The following CTNNA3 variants were observed in gnomAD, a reference collection of about 807,000 sequenced individuals.
CTNNA3 encodes catenin alpha-3.
CTNNA3 carries 76 observed loss-of-function variants against 95.7 expected under a neutral mutation model. That is an observed-to-expected ratio of 0.79 (90% CI 0.66 to 0.96). CTNNA3 has a LOEUF of 0.96. CTNNA3 is among the 40% of genes least tolerant of loss of function. CTNNA3 has a pLI of 0.00. For synonymous variants in CTNNA3, 431 were observed against 374.4 expected, an observed-to-expected ratio of 1.15 and a Z score of -1.74; for missense variants, 1,191 against 1,089.8, an observed-to-expected ratio of 1.09 and a Z score of -1.31.
chr10:66,317,283 A>C (rs2092115230), intron 12 of CTNNA3, among the ~76,000 whole-genome samples: 1 of 152,078 alleles, frequency 6.6e-6, no homozygotes, highest in African/African-American at 2.4e-5. Context: ...TTTTTTCCAC[A>C]AACTAAATTT....
chr10:65,991,411 T>C (rs2078543216), intron 15 of CTNNA3, among the ~76,000 whole-genome samples: 2 of 152,028 alleles, frequency 1.3e-5, no homozygotes, highest in South Asian at 4.1e-4. Context: ...ATATATTTTT[T>C]ATTTTTTGTG....
At chr10:65,922,705 A>G (rs531203408) in intron 17 of CTNNA3, among the ~76,000 whole-genome samples, 1 of 152,318 alleles carries the variant, frequency 6.6e-6, no homozygotes, top group Non-Finnish European at 1.5e-5. Context: ...TTGCAAAAAT[A>G]ACAGGATTTG....
intron 1 of CTNNA3, among the ~76,000 whole-genome samples, chr10:67,665,840 A>G (rs1175151369): frequency 2.6e-5 from 4 of 152,222 alleles, no homozygotes; most frequent in African/African-American, 9.6e-5. Context: ...ATAATACATT[A>G]CCCACTATCA....
intron 7 of CTNNA3, among the ~76,000 whole-genome samples, chr10:66,848,610 A>C (rs1368939616): frequency 6.6e-6 from 1 of 152,156 alleles, no homozygotes; most frequent in African/African-American, 2.4e-5. Flanking sequence ...GATAAAATAT[A>C]TTTCACCTTA....
chr10:66,344,257 T>G (rs2092482111), intron 12 of CTNNA3, among the ~76,000 whole-genome samples: 1 of 150,798 alleles, frequency 6.6e-6, no homozygotes, highest in Non-Finnish European at 1.5e-5. Flanking sequence ...GCAATGTGTT[T>G]TTGTTGTTGT....
At chr10:67,524,322 C>T (rs1840073163) in intron 4 of CTNNA3, among the ~76,000 whole-genome samples, 1 of 148,348 alleles carries the variant, frequency 6.7e-6, no homozygotes, top group Non-Finnish European at 1.5e-5. Flanking sequence ...GGCGTGAACC[C>T]GGCAGGCGGA....
intron 12 of CTNNA3, among the ~76,000 whole-genome samples, chr10:66,316,335 T>C (rs2092099321): frequency 6.6e-6 from 1 of 152,120 alleles, no homozygotes; most frequent in Admixed American, 6.5e-5. Flanking sequence ...CTGAGCACTT[T>C]TGCACTGCAT....
intron 7 of CTNNA3, among the ~76,000 whole-genome samples, chr10:67,147,410 C>T (rs1170225465): frequency 1.3e-5 from 2 of 152,154 alleles, no homozygotes; most frequent in African/African-American, 4.8e-5. Flanking sequence ...AAAACAGTAA[C>T]TGGTACTGAG....
At position 67,720,869 on chromosome 10, in the gene CTNNA3, G is replaced by T. The variant is rs545023408; in HGVS notation, c.-2+42565C>A. Among the ~76,000 whole-genome samples the T allele has an allele frequency of 1.8e-4, 27 of 152,224 alleles. No homozygotes were observed. The South Asian group carries it at 5.6e-3, about 32-fold the overall frequency. ...CACGGGAGGCTGAGGCAGGAGAATTGCTTGAATCTGGGAGGCGGAGGTTGC... is the reference window on the plus strand; with the variant it reads ...CACGGGAGGCTGAGGCAGGAGAATTTCTTGAATCTGGGAGGCGGAGGTTGC... On this transcript the variant is annotated intron_variant, in intron 1 of 17. Transcript: ENST00000684154.
At chr10:67,540,390 ACTT>A (rs1470121179) in intron 3 of CTNNA3, among the ~76,000 whole-genome samples, 4 of 152,062 alleles carry the variant, frequency 2.6e-5, no homozygotes, top group Admixed American at 2.6e-4. Flanking sequence ...TTAAATCTAA[ACTT>A]CTTTTTATTA....
intron 13 of CTNNA3, 24 bp downstream of exon 13, chr10:66,280,441 TAATTC>T: frequency 6.3e-7 from 1 of 1,589,312 alleles, no homozygotes; most frequent in Non-Finnish European, 8.6e-7. Context: ...AACATTGCAA[TAATTC>T]AATGGAAGGA....
rs1389332763 is a variant in CTNNA3, at chr10:66,332,067, A to G, written c.1732+47085T>C. Reference sequence around the variant, plus strand: ...TGTTTGTCTGTTATTGGTGTATAAGAATGCTTGTGATTTTTGCGCATTGAT... The same window carrying G: ...TGTTTGTCTGTTATTGGTGTATAAGGATGCTTGTGATTTTTGCGCATTGAT... On this transcript the variant is annotated intron_variant, in intron 12 of 17. Transcript: ENST00000433211. 3.9e-5 allele frequency among the ~76,000 whole-genome samples: 6 copies of G among 151,996 alleles called. 1 individual carries two copies. The highest frequency in any genetic ancestry group is 1.4e-4 in the African/African-American group (6 of 41,426).
rs1213721525 is a variant in CTNNA3, at chr10:67,575,641, C to T, written c.292+31216G>A. On this transcript the variant is annotated intron_variant, in intron 3 of 17. Coordinates refer to ENST00000433211, the MANE Select transcript of CTNNA3 (RefSeq NM_013266.4). ...TCATTTCTGCCTTGTATCATACTTG[C>T]CTACTCCAAGCCAGAGATTCTTTGG... Among the ~76,000 whole-genome samples, 5 of 152,152 alleles carry T rather than the reference C, an allele frequency of 3.3e-5. No homozygotes were observed. In the East Asian group the frequency reaches 7.7e-4, roughly 23 times the overall value.
chr10:67,093,618 C>A (rs775669652), intron 7 of CTNNA3, among the ~76,000 whole-genome samples: 4 of 151,394 alleles, frequency 2.6e-5, no homozygotes, highest in Non-Finnish European at 5.9e-5. Context: ...TACTACCCAG[C>A]GACCAGTCAT....
At position 66,836,325 on chromosome 10, in the gene CTNNA3, T is replaced by G. The variant is rs546541384; in HGVS notation, c.1048-60801A>C. On this transcript the variant is annotated intron_variant, in intron 7 of 17. Coordinates refer to ENST00000433211, the MANE Select transcript of CTNNA3 (RefSeq NM_013266.4). Reference sequence around the variant, plus strand: ...CCCCTGAAAGTAGGAATTTGCTGAGTCAAACAGATGCCCCATCTTAATTCT... The same window carrying G: ...CCCCTGAAAGTAGGAATTTGCTGAGGCAAACAGATGCCCCATCTTAATTCT... Among the ~76,000 whole-genome samples, 4 of 152,202 alleles carry G rather than the reference T, an allele frequency of 2.6e-5. No homozygotes were observed. In the South Asian group the frequency reaches 8.3e-4, roughly 32 times the overall value.
chr10:66,522,763 G>A (rs898859510), intron 10 of CTNNA3, among the ~76,000 whole-genome samples: 1 of 138,954 alleles, frequency 7.2e-6, no homozygotes, highest in Non-Finnish European at 1.6e-5. Context: ...ACTAGATCCT[G>A]TCCACGCACG....
chr10:67,696,207 C>T (rs748235093), upstream of CTNNA3: 3 of 152,096 alleles, frequency 2.0e-5, no homozygotes, highest in Non-Finnish European at 4.4e-5. Flanking sequence ...GGTTACAAGC[C>T]AGGGTGGGTG....
At chr10:66,708,875 A>G (rs1226052028) in intron 9 of CTNNA3, among the ~76,000 whole-genome samples, 1 of 152,078 alleles carries the variant, frequency 6.6e-6, no homozygotes, top group Non-Finnish European at 1.5e-5. Flanking sequence ...AGAGTTAATC[A>G]TTGTGTGGTG....
chr10:65,912,526 A>G lies in CTNNA3; in HGVS notation c.*7804T>C, dbSNP rs916262026. 4.6e-5 allele frequency: 7 copies of G among 152,324 alleles called. No individual in the cohort carries two copies. The highest frequency in any genetic ancestry group is 1.7e-4 in the African/African-American group (7 of 41,582). The allele number at this position is 152,324 out of a possible 1,614,324, so 9.4% of individuals were successfully genotyped here. On this transcript the variant is annotated 3_prime_UTR_variant, in exon 18 of 18. Coordinates refer to ENST00000433211, the MANE Select transcript of CTNNA3 (RefSeq NM_013266.4). ...GCCACCAAATATCAACATAAAATGCATAGCCAATCTTTTCATTTTTATTGC... is the reference window on the plus strand; with the variant it reads ...GCCACCAAATATCAACATAAAATGCGTAGCCAATCTTTTCATTTTTATTGC...
Sources: allele counts gnomAD v4.1 joint callset (sites outside exome capture counted in the v4.1 genomes callset), GRCh38; gene constraint gnomAD v4.1.1; transcripts MANE v1.5; gene names NCBI Gene and HGNC (gene_info 2026-07-23, HGNC 2026-07-21).